Variants in AKAP13 observed in about 807,000 individuals in gnomAD.
The protein encoded by AKAP13 is A-kinase anchoring protein 13.
A neutral mutation model predicts 264.5 loss-of-function variants in AKAP13; 80 were observed. That is an observed-to-expected ratio of 0.30 (90% CI 0.25 to 0.36). The LOEUF (loss-of-function observed/expected upper bound fraction) is 0.36, where lower values mean the gene tolerates loss of function less well. Among genes scored for constraint, AKAP13 ranks in the 10% least tolerant of loss-of-function variants. The pLI is 1.00. For missense variants in AKAP13, 3,712 were observed against 3,435.2 expected, an observed-to-expected ratio of 1.08 and a Z score of -2.01; for synonymous variants, 1,380 against 1,250.2, an observed-to-expected ratio of 1.10 and a Z score of -2.19.
intron 7 of AKAP13, among the ~76,000 whole-genome samples, chr15:85,583,678 G>C (rs1004833738): frequency 3.3e-5 from 5 of 152,192 alleles, no homozygotes; most frequent in Admixed American, 1.3e-4. Flanking sequence ...TGGCTCAGTG[G>C]TCAGAATTTG....
intron 7 of AKAP13, among the ~76,000 whole-genome samples, chr15:85,585,408 A>G (rs1394696056): frequency 6.6e-6 from 1 of 152,152 alleles, no homozygotes; most frequent in Non-Finnish European, 1.5e-5. Context: ...TTGGTGCTAC[A>G]CTCAGATTTG....
intron 17 of AKAP13, 94 bp from the exon 18 acceptor site, chr15:85,707,925 T>C (rs2086400892): frequency 8.0e-7 from 1 of 1,257,728 alleles, no homozygotes; most frequent in Non-Finnish European, 1.2e-6. Flanking sequence ...GACTTCACTT[T>C]GAAATTCAGA....
chr15:85,698,458 C>G (rs1274625429), intron 17 of AKAP13, among the ~76,000 whole-genome samples: 1 of 79,300 alleles, frequency 1.3e-5, no homozygotes, highest in African/African-American at 5.2e-5. Context: ...GAGCAAGACT[C>G]TGTCTCCAAA....
chr15:85,504,694 CAAA>C (rs60149423), intron 2 of AKAP13, among the ~76,000 whole-genome samples: 29 of 105,706 alleles, frequency 2.7e-4, no homozygotes, highest in African/African-American at 1.1e-3. Context: ...ACCCTGTCTC[CAAA>C]AAAAAAAAAA....
chr15:85,745,343 G>A lies in AKAP13; in HGVS notation c.*666G>A, dbSNP rs1567229053. 1 of 152,060 alleles carries A rather than the reference G, an allele frequency of 6.6e-6. No individual in the cohort carries two copies. Among genetic ancestry groups the A allele is most frequent in the African/African-American group, 2.4e-5 (1 of 41,398 alleles). The allele number at this position is 152,060 out of a possible 1,614,324, so 9.4% of individuals were successfully genotyped here. On this transcript the variant is annotated 3_prime_UTR_variant, in exon 37 of 37. Transcript: ENST00000394518. ...GGGATGACAAACATTTGTGAAACCA[G>A]TGAGAGAAGGCTTGATGTGTATAAA...
chr15:85,622,704 G>A (rs2081249155), intron 8 of AKAP13, among the ~76,000 whole-genome samples: 1 of 152,144 alleles, frequency 6.6e-6, no homozygotes, highest in South Asian at 2.1e-4. Context: ...TTACGTACAG[G>A]AAAACAGATT....
intron 1 of AKAP13, among the ~76,000 whole-genome samples, chr15:85,446,995 G>A (rs1472592390): frequency 2.6e-5 from 4 of 152,198 alleles, no homozygotes; most frequent in Non-Finnish European, 2.9e-5. Context: ...TAGGCCGGGT[G>A]TGGCGGCTCA....
At position 85,533,751 on chromosome 15, in the gene AKAP13, C is replaced by T. The variant is rs753501133; in HGVS notation, c.349C>T (p.Arg117Cys). The change falls in exon 4 of 37, where the codon CGT becomes TGT. Residue 117 changes from arginine to cysteine, a missense_variant. This residue lies in a region of AKAP13 where 2,759 missense variants were observed against 2,411.7 expected (regional missense o/e 1.14). Coordinates refer to ENST00000394518, the MANE Select transcript of AKAP13 (RefSeq NM_007200.5). ...AGNQQALNFT[R>C]FLDQSGPPSG... ...AAATCAGCAGGCTTTGAACTTTACCCGTTTTCTTGACCAGTCAGGACCCCC... is the reference window on the plus strand; with the variant it reads ...AAATCAGCAGGCTTTGAACTTTACCTGTTTTCTTGACCAGTCAGGACCCCC... 37 of 1,614,034 alleles carry T rather than the reference C, an allele frequency of 2.3e-5. No homozygotes were observed. The highest frequency in any genetic ancestry group is 9.9e-5 in the South Asian group (9 of 91,082).
At chr15:85,554,553 A>G (rs1028153816) in intron 5 of AKAP13, among the ~76,000 whole-genome samples, 1 of 151,822 alleles carries the variant, frequency 6.6e-6, no homozygotes, top group Non-Finnish European at 1.5e-5. Context: ...GTTGCTTGAC[A>G]CTTACCCCAC....
chr15:85,548,660 A>G (rs906208926), intron 5 of AKAP13, among the ~76,000 whole-genome samples: 2 of 152,182 alleles, frequency 1.3e-5, no homozygotes, highest in African/African-American at 4.8e-5. Flanking sequence ...TTTCTTATAT[A>G]TTAATAATAA....
chr15:85,442,508 TATAATA>T (rs1567059684), intron 1 of AKAP13, among the ~76,000 whole-genome samples: 10 of 113,268 alleles, frequency 8.8e-5, no homozygotes, highest in Non-Finnish European at 9.3e-5. Flanking sequence ...TTATATTATA[TATAATA>T]TATATTATAT....
At chr15:85,686,135 C>T (rs1008048171) in intron 16 of AKAP13, among the ~76,000 whole-genome samples, 1 of 136,812 alleles carries the variant, frequency 7.3e-6, no homozygotes, top group Non-Finnish European at 1.6e-5. Context: ...GGAACTCTTG[C>T]AAGGAATCAC....
At chr15:85,383,049 C>CT (rs2070373845) in intron 1 of AKAP13, among the ~76,000 whole-genome samples, 2 of 152,084 alleles carry the variant, frequency 1.3e-5, no homozygotes, top group Admixed American at 6.6e-5. Flanking sequence ...CAGCCCCCCC[C>CT]TTTTTGTGAA....
chr15:85,398,477 T>C (rs546746856), intron 1 of AKAP13, among the ~76,000 whole-genome samples: 1 of 152,336 alleles, frequency 6.6e-6, no homozygotes, highest in South Asian at 2.1e-4. Context: ...ATATGTGGAC[T>C]AGCCATATGT....
At chr15:85,484,301 G>A (rs565402160) in intron 1 of AKAP13, among the ~76,000 whole-genome samples, 1 of 152,262 alleles carries the variant, frequency 6.6e-6, no homozygotes, top group South Asian at 2.1e-4. Context: ...ATGTTGGTTG[G>A]TTATTGCTGC....
intron 1 of AKAP13, among the ~76,000 whole-genome samples, chr15:85,442,504 T>C: frequency 2.0e-5 from 2 of 100,034 alleles, no homozygotes; most frequent in South Asian, 3.0e-4. Flanking sequence ...TATATTATAT[T>C]ATATATAATA....
Position 85,579,505 on chromosome 15 carries a change from A to C in AKAP13, c.1437A>C (p.Ala479=). 6.2e-7 allele frequency: 1 copy of C among 1,614,192 alleles called. No homozygotes were observed. Among genetic ancestry groups the C allele is most frequent in the Non-Finnish European group, 8.5e-7 (1 of 1,180,020 alleles). ...STTNVSTPDT[A]GEMEHGLMNP... is the part of the protein sequence containing the mutation. The stretch of plus-strand genomic sequence containing the variant: ...CAAATGTCAGTACCCCAGACACTGC[A>C]GGGGAAATGGAACATGGGCTCATGA... Residue 479 remains alanine, a synonymous_variant, in exon 7 of 37, where the codon GCA becomes GCC. Transcript: ENST00000394518.
chr15:85,713,327 T>G (rs936149294), intron 19 of AKAP13, among the ~76,000 whole-genome samples: 3 of 152,228 alleles, frequency 2.0e-5, no homozygotes, highest in African/African-American at 7.2e-5. Context: ...GTCTCCCTTT[T>G]ACATTAATAC....
At chr15:85,439,807 C>G (rs965069531) in intron 1 of AKAP13, among the ~76,000 whole-genome samples, 2 of 111,584 alleles carry the variant, frequency 1.8e-5, no homozygotes, top group Middle Eastern at 6.8e-3. Context: ...ATATCACACT[C>G]TGGGGACTGT....
Sources: allele counts gnomAD v4.1 joint callset (sites outside exome capture counted in the v4.1 genomes callset), GRCh38; gene constraint gnomAD v4.1.1; regional missense constraint gnomAD v4.1.1; transcripts MANE v1.5; gene names NCBI Gene and HGNC (gene_info 2026-07-23, HGNC 2026-07-21).